ANO7: variants seen among roughly 807,000 people sequenced by gnomAD.
ANO7 encodes the protein anoctamin 7, also known as anoctamin-7.
Under a neutral mutation model 115.8 loss-of-function variants are expected in ANO7, and 114 were observed. The ratio of observed to expected loss-of-function variants is 0.98; its 90% CI spans 0.85 to 1.15. The LOEUF is 1.15. Ranked by LOEUF, ANO7 falls within the 50% of genes most tolerant of loss-of-function variation. The pLI, the probability that ANO7 is intolerant of heterozygous loss-of-function variation, is 0.00. For synonymous variants in ANO7, 550 were observed against 498.2 expected (o/e 1.10, Z -1.38); for missense variants, 1,302 against 1,201.2 (o/e 1.08, Z -1.24).
chr2:241,219,731 CTT>C lies in ANO7; in HGVS notation c.2321+1368_2321+1369del, dbSNP rs11299376. Among the ~76,000 whole-genome samples, 251 of 113,938 alleles carry C rather than the reference CTT, an allele frequency of 2.2e-3. 1 individual carries two copies. Among genetic ancestry groups the C allele is most frequent in the East Asian group, 4.5e-3 (17 of 3,744 alleles). 74.7% of individuals were successfully genotyped at this position (113,938 alleles called of 152,430 possible). ...TACAGGCGTGTGCCACCAGGCCTGGCTTTTTTTTTTTTTTTTTTTCTTTAAAG... is the reference window on the plus strand; with the variant it reads ...TACAGGCGTGTGCCACCAGGCCTGGCTTTTTTTTTTTTTTTTTCTTTAAAG... On this transcript the variant is annotated intron_variant, in intron 21 of 24. Coordinates refer to ENST00000674324, the MANE Select transcript of ANO7 (RefSeq NM_001370694.2).
chr2:241,214,763 C>T (rs367728818), intron 17 of ANO7, 42 bp from the exon 18 acceptor site: 33 of 1,562,256 alleles, frequency 2.1e-5, no homozygotes, highest in Non-Finnish European at 2.9e-5. Context: ...GGGTGAGTGG[C>T]TGGTCCCCCT....
downstream of ANO7, among the ~76,000 whole-genome samples, chr2:241,226,977 A>G (rs2069201400): frequency 6.6e-6 from 1 of 152,164 alleles, no homozygotes; most frequent in Non-Finnish European, 1.5e-5. Flanking sequence ...AATGCCACTG[A>G]GGCTGGCAGA....
the ANO7 span, chr2:241,239,730 C>T: frequency 6.2e-7 from 1 of 1,614,234 alleles, no homozygotes. This position sits in a 1 kb window ranked among gnomAD's most constrained non-coding sequence, Gnocchi z 4.6. Context: ...CCATACTCTT[C>T]AGCAATCTCC....
intron 17 of ANO7, among the ~76,000 whole-genome samples, chr2:241,213,569 A>G (rs1202534136): frequency 6.6e-6 from 1 of 152,090 alleles, no homozygotes; most frequent in Non-Finnish European, 1.5e-5. Flanking sequence ...CCCCTCCAAG[A>G]CACCGTAGAG....
chr2:241,233,904 G>A, the ANO7 span: 17 of 1,613,728 alleles, frequency 1.1e-5, no homozygotes, highest in Admixed American at 6.7e-5. The surrounding 1 kb of genome is among the most constrained non-coding windows in gnomAD (Gnocchi z 4.3). Context: ...CCTTTCTCCC[G>A]ATAATCTTGG....
chr2:241,216,649 C>A (rs768620765), intron 19 of ANO7, among the ~76,000 whole-genome samples: 3 of 152,210 alleles, frequency 2.0e-5, no homozygotes, highest in Non-Finnish European at 4.4e-5. Flanking sequence ...AATCTCAATG[C>A]CCACGCTATT....
At chr2:241,231,895 A>G in the ANO7 span, among the ~76,000 whole-genome samples, 1 of 98,836 alleles carries the variant, frequency 1.0e-5, no homozygotes, top group African/African-American at 3.3e-5. Context: ...GGACGGGGAC[A>G]AATCACAACC....
intron 6 of ANO7, among the ~76,000 whole-genome samples, chr2:241,201,011 C>A (rs1303923646): frequency 6.6e-6 from 1 of 152,242 alleles, no homozygotes; most frequent in Non-Finnish European, 1.5e-5. Context: ...TTGCTTCCCC[C>A]CACCCTGTGT....
chr2:241,236,634 G>A, the ANO7 span: 1 of 1,614,132 alleles, frequency 6.2e-7, no homozygotes, highest in Admixed American at 1.7e-5. Context: ...TTCCTTGGCA[G>A]CCTCACACTT....
chr2:241,235,372 G>A, the ANO7 span: 1 of 1,513,200 alleles, frequency 6.6e-7, no homozygotes, highest in Non-Finnish European at 9.2e-7. Context: ...AGGGAAGTCA[G>A]TGCCCAGTCC....
At chr2:241,236,992 G>C in the ANO7 span, among the ~76,000 whole-genome samples, 738 of 140,710 alleles carry the variant, frequency 5.2e-3, 22 homozygotes, top group African/African-American at 0.017. Flanking sequence ...GGGGGGGGGG[G>C]GGCGGCAATG....
chr2:241,205,716 T>G (rs1465141239), intron 10 of ANO7, among the ~76,000 whole-genome samples: 1 of 74,380 alleles, frequency 1.3e-5, no homozygotes, highest in Admixed American at 1.4e-4. Context: ...GTGTTCCCAG[T>G]CTGACAAGTG....
the ANO7 span, chr2:241,238,622 G>A: frequency 1.3e-6 from 2 of 1,490,018 alleles, no homozygotes; most frequent in Non-Finnish European, 1.8e-6. The surrounding 1 kb of genome is among the most constrained non-coding windows in gnomAD (Gnocchi z 4.9). Context: ...CTATTAACAA[G>A]CAGAGCAGGG....
intron 18 of ANO7, 146 bp downstream of exon 18, chr2:241,215,048 C>G: frequency 1.3e-6 from 1 of 756,112 alleles, no homozygotes; most frequent in South Asian, 1.9e-5. Flanking sequence ...GGAGTGTGCC[C>G]GGCCGTCTGC....
At chr2:241,193,231 G>A (rs1419256568) in intron 3 of ANO7, among the ~76,000 whole-genome samples, 1 of 151,970 alleles carries the variant, frequency 6.6e-6, no homozygotes, top group Middle Eastern at 3.4e-3. Flanking sequence ...CACCACGCCC[G>A]GTTAATTTTT....
chr2:241,207,725 A>G (rs1363543051), intron 11 of ANO7, 55 bp downstream of exon 11: 1 of 1,534,848 alleles, frequency 6.5e-7, no homozygotes, highest in East Asian at 2.2e-5. Flanking sequence ...TGAGGAGGGC[A>G]GCTCCCCTTG....
At chr2:241,190,236 C>A (rs2068163957) in intron 2 of ANO7, 65 bp downstream of exon 2, 4 of 1,382,318 alleles carry the variant, frequency 2.9e-6, no homozygotes, top group South Asian at 1.4e-5. Context: ...TCTATGCCCC[C>A]ACCCTGGGCC....
At position 241,216,107 on chromosome 2, in the gene ANO7, G is replaced by A. The variant is rs776023090; in HGVS notation, c.1841G>A (p.Trp614Ter). The A allele has an allele frequency of 6.2e-7, 1 of 1,610,130 alleles. No homozygotes were observed. The highest frequency in any genetic ancestry group is 1.7e-5 in the Admixed American group (1 of 59,028). ...QEVLIPKLKG[W>*]WQKFRLRSKK... ...CCCGTCCCCAGGAAGCTAAAGGGCT[G>A]GTGGCAGAAGTTCCGGCTTCGCTCC... The change falls in exon 19 of 25, where the codon TGG (tryptophan) becomes TAG (stop). Residue 614 changes from tryptophan (W) to a stop codon, truncating the protein, a stop_gained. Transcript: ENST00000674324. LOFTEE classifies it high-confidence loss of function.
chr2:241,223,879 C>G (rs893655042), intron 23 of ANO7, 26 bp from the exon 24 acceptor site: 1 of 1,614,118 alleles, frequency 6.2e-7, no homozygotes, highest in Non-Finnish European at 8.5e-7. Flanking sequence ...ATCCCTCTTC[C>G]TCTTGCTGCC....
Sources: allele counts gnomAD v4.1 joint callset (sites outside exome capture counted in the v4.1 genomes callset), GRCh38; gene constraint gnomAD v4.1.1; non-coding constraint Gnocchi (gnomAD v3.1); transcripts MANE v1.5; gene names NCBI Gene and HGNC (gene_info 2026-07-23, HGNC 2026-07-21).